NCKAP5: variants seen among roughly 807,000 people sequenced by gnomAD.
NCKAP5 encodes nck-associated protein 5.
A neutral mutation model predicts 167.0 loss-of-function variants in NCKAP5; 92 were observed. That is an observed-to-expected ratio of 0.55 (90% CI 0.47 to 0.66). NCKAP5 has a LOEUF of 0.66. NCKAP5 is among the 30% of genes least tolerant of loss of function. The pLI is 0.00. For missense variants in NCKAP5, 2,378 were observed against 2,315.0 expected (o/e 1.03, Z -0.56); for synonymous variants, 891 against 877.4 (o/e 1.02, Z -0.27).
At chr2:133,239,006 A>T (rs2087553789) in intron 4 of NCKAP5, among the ~76,000 whole-genome samples, 1 of 152,214 alleles carries the variant, frequency 6.6e-6, no homozygotes, top group Admixed American at 6.5e-5. Context: ...TATGTTATAC[A>T]TACAATCCCT....
intron 3 of NCKAP5, among the ~76,000 whole-genome samples, chr2:133,457,641 A>G (rs544264105): frequency 3.0e-4 from 45 of 152,318 alleles, no homozygotes; most frequent in African/African-American, 9.1e-4. Flanking sequence ...AGTAATACAG[A>G]TCAAAATTAA....
the NCKAP5 span, among the ~76,000 whole-genome samples, chr2:133,575,378 C>T: frequency 6.6e-6 from 1 of 152,156 alleles, no homozygotes; most frequent in African/African-American, 2.4e-5. Context: ...CTTCTATTAA[C>T]AAAGGAGAAT....
chr2:133,629,854 C>A, the NCKAP5 span, among the ~76,000 whole-genome samples: 1 of 152,168 alleles, frequency 6.6e-6, no homozygotes, highest in Non-Finnish European at 1.5e-5. Flanking sequence ...TGGAAGCCAT[C>A]ATCCTCAGCA....
intron 6 of NCKAP5, among the ~76,000 whole-genome samples, chr2:133,089,053 G>T (rs992068267): frequency 1.2e-4 from 19 of 152,192 alleles, no homozygotes; most frequent in African/African-American, 4.6e-4. Context: ...TCAAAACAGA[G>T]ATGTGAGAAA....
intron 19 of NCKAP5, among the ~76,000 whole-genome samples, chr2:132,717,653 A>C (rs751995618): frequency 4.6e-5 from 7 of 152,172 alleles, no homozygotes; most frequent in Non-Finnish European, 1.0e-4. Flanking sequence ...CGTCCCTTTT[A>C]ATATTGTTCC....
chr2:132,867,733 A>G (rs1690469213), intron 10 of NCKAP5, among the ~76,000 whole-genome samples: 1 of 152,194 alleles, frequency 6.6e-6, no homozygotes, highest in Non-Finnish European at 1.5e-5. Flanking sequence ...AGGGACCCCA[A>G]GGACTTTATG....
chr2:133,625,019 A>T, the NCKAP5 span, among the ~76,000 whole-genome samples: 1 of 152,214 alleles, frequency 6.6e-6, no homozygotes, highest in Non-Finnish European at 1.5e-5. Flanking sequence ...TTCACTAAAC[A>T]TCCTTAGCAG....
intron 19 of NCKAP5, among the ~76,000 whole-genome samples, chr2:132,721,001 G>C (rs116415554): frequency 7.3e-6 from 1 of 137,908 alleles, no homozygotes; most frequent in Admixed American, 7.2e-5. Flanking sequence ...GGTACACAGT[G>C]AGACTCCATC....
intron 4 of NCKAP5, among the ~76,000 whole-genome samples, chr2:133,228,753 G>C (rs2087008700): frequency 1.3e-5 from 2 of 152,132 alleles, no homozygotes; most frequent in South Asian, 4.1e-4. Context: ...CAGGAAGACT[G>C]TTCAAAATAA....
chr2:133,536,748 T>C (rs994419722), intron 2 of NCKAP5, among the ~76,000 whole-genome samples: 3 of 152,014 alleles, frequency 2.0e-5, no homozygotes, highest in Admixed American at 6.5e-5. Context: ...TATTTTCTCC[T>C]ATTTCATGGG....
intron 19 of NCKAP5, among the ~76,000 whole-genome samples, chr2:132,675,527 C>T (rs1684323952): frequency 6.6e-6 from 1 of 152,080 alleles, no homozygotes; most frequent in Non-Finnish European, 1.5e-5. Flanking sequence ...TTGGATCCCA[C>T]CTAGACCTAC....
chr2:132,875,420 G>T (rs970261197), intron 9 of NCKAP5, among the ~76,000 whole-genome samples: 8 of 152,118 alleles, frequency 5.3e-5, no homozygotes, highest in African/African-American at 1.2e-4. Flanking sequence ...AAAGTCCTCA[G>T]TGCAGCTCAT....
chr2:132,828,565 T>C (rs1363311891), intron 11 of NCKAP5, among the ~76,000 whole-genome samples: 1 of 152,178 alleles, frequency 6.6e-6, no homozygotes, highest in Non-Finnish European at 1.5e-5. Flanking sequence ...GTACAGCCTG[T>C]GGAACTGTGA....
intron 4 of NCKAP5, among the ~76,000 whole-genome samples, chr2:133,276,515 A>G (rs2089737011): frequency 6.6e-6 from 1 of 152,062 alleles, no homozygotes; most frequent in African/African-American, 2.4e-5. Flanking sequence ...AAATACATTT[A>G]CCAAAATTGG....
At chr2:133,246,405 G>A (rs1443626970) in intron 4 of NCKAP5, among the ~76,000 whole-genome samples, 2 of 152,048 alleles carry the variant, frequency 1.3e-5, no homozygotes, top group African/African-American at 4.8e-5. Context: ...GAGTAAAATC[G>A]CTATAATGTA....
intron 4 of NCKAP5, among the ~76,000 whole-genome samples, chr2:133,273,235 T>A (rs138793356): frequency 6.6e-6 from 1 of 152,324 alleles, no homozygotes; most frequent in African/African-American, 2.4e-5. Context: ...ATAGTCATGC[T>A]AGAGGATATA....
intron 3 of NCKAP5, among the ~76,000 whole-genome samples, chr2:133,351,952 G>A (rs1684392350): frequency 6.6e-6 from 1 of 152,150 alleles, no homozygotes; most frequent in East Asian, 1.9e-4. Flanking sequence ...AAATGATGCT[G>A]TTAAAATGTA....
intron 6 of NCKAP5, among the ~76,000 whole-genome samples, chr2:133,016,035 G>A (rs1328239943): frequency 8.2e-6 from 1 of 122,280 alleles, no homozygotes; most frequent in Non-Finnish European, 1.8e-5. Context: ...ATGGCTCTAG[G>A]ACATGAACAA....
intron 3 of NCKAP5, among the ~76,000 whole-genome samples, chr2:133,337,174 T>C (rs562743104): frequency 1.3e-5 from 2 of 152,336 alleles, no homozygotes; most frequent in South Asian, 4.1e-4. Flanking sequence ...TTTTAATTTT[T>C]CACATAGTAC....
Sources: allele counts gnomAD v4.1 joint callset (sites outside exome capture counted in the v4.1 genomes callset), GRCh38; gene constraint gnomAD v4.1.1; transcripts MANE v1.5; gene names NCBI Gene and HGNC (gene_info 2026-07-23, HGNC 2026-07-21).